The following CLTC variants were observed in gnomAD, a reference collection of about 807,000 sequenced individuals.
CLTC encodes clathrin heavy chain.
Under a neutral mutation model 195.8 loss-of-function variants are expected in CLTC, and 16 were observed. The observed-to-expected ratio is 0.08, with a 90% CI of 0.06 to 0.12. CLTC has a LOEUF of 0.12. Ranked by LOEUF, CLTC falls within the 10% of genes least tolerant of loss-of-function variation. The pLI, the probability that CLTC is intolerant of heterozygous loss-of-function variation, is 1.00. For synonymous variants in CLTC, 667 were observed against 689.4 expected (o/e 0.97, Z 0.51); for missense variants, 796 against 2,027.0 (o/e 0.39, Z 11.66).
chr17:59,692,014 CTT>C (rs1368164997), intron 31 of CLTC, among the ~76,000 whole-genome samples: 2 of 152,072 alleles, frequency 1.3e-5, no homozygotes, highest in Non-Finnish European at 2.9e-5. Context: ...TTAGGGATGA[CTT>C]TTTAAAAACT....
At chr17:59,656,760 A>G (rs991423792) in intron 6 of CLTC, among the ~76,000 whole-genome samples, 2 of 139,118 alleles carry the variant, frequency 1.4e-5, no homozygotes, top group African/African-American at 5.5e-5. Context: ...TACAACCTCC[A>G]CTTCCCGGGT....
intron 1 of CLTC, among the ~76,000 whole-genome samples, chr17:59,636,932 C>CTTTTTTTTTTTTTTT (rs771908096): frequency 4.8e-5 from 5 of 103,672 alleles, no homozygotes; most frequent in Admixed American, 1.0e-4. Context: ...CCGGCTAATT[C>CTTTTTTTTTTTTTTT]TTTTTTTTTT....
rs150645166 is a variant in CLTC, at chr17:59,693,681, C to T, written c.4904-47C>T. 2,883 of 1,572,848 alleles carry T rather than the reference C, an allele frequency of 1.8e-3. 111 individuals carry two copies. The Admixed American group carries it at 0.05, about 27-fold the overall frequency. On this transcript the variant is annotated intron_variant, in intron 31 of 31. Coordinates refer to ENST00000269122, the MANE Select transcript of CLTC (RefSeq NM_004859.4). ...TTCTAAATGCTAACAGTTTGTCCTG[C>T]CTCCTTGCCCCTGCCCCCTGCTCCT...
rs942248771 is a variant in CLTC, at chr17:59,694,204, T to C, written c.*352T>C. The C allele has an allele frequency of 4.9e-5, 11 of 225,394 alleles. No individual in the cohort carries two copies. Among genetic ancestry groups the C allele is most frequent in the Middle Eastern group, 1.3e-3 (1 of 770 alleles). 14.0% of individuals were successfully genotyped at this position (225,394 alleles called of 1,614,324 possible). ...GAAACAAAGAAACTCTAATATTGAA[T>C]CTCTTAAATTTAGTGTATGTAAACA... On this transcript the variant is annotated 3_prime_UTR_variant, in exon 32 of 32. Coordinates refer to ENST00000269122, the MANE Select transcript of CLTC (RefSeq NM_004859.4).
intron 13 of CLTC, 33 bp from the exon 14 acceptor site, chr17:59,668,744 C>T (rs753042435): frequency 6.5e-7 from 1 of 1,540,026 alleles, no homozygotes; most frequent in South Asian, 1.2e-5. Context: ...AAAAGTGTGC[C>T]TATGCTTAAT....
In CLTC at chr17:59,681,219, G is replaced by A. The variant is rs1044053540; in HGVS notation, c.3066-76G>A. The A allele has an allele frequency of 1.0e-5, 15 of 1,496,750 alleles. No homozygotes were observed. The highest frequency in any genetic ancestry group is 1.8e-4 in the Middle Eastern group (1 of 5,648). 92.7% of individuals were successfully genotyped at this position (1,496,750 alleles called of 1,614,324 possible). A position where few individuals can be genotyped will look rare whatever the true frequency, so the allele number is the denominator to read the frequency against. On this transcript the variant is annotated intron_variant, in intron 19 of 31. Coordinates refer to ENST00000269122, the MANE Select transcript of CLTC (RefSeq NM_004859.4). The surrounding 1 kb of genome is among the most constrained non-coding windows in gnomAD (Gnocchi z 5.0). The stretch of plus-strand genomic sequence containing the variant: ...TACCTCTTGAGACAAAAACCTCTCC[G>A]TTAGTCACAGTGGTTATTTTTTATG...
Position 59,685,348 on chromosome 17 carries a change from T to C in CLTC, c.4605+122T>C. 1 of 1,002,334 alleles carries C rather than the reference T, an allele frequency of 1.0e-6. No individual in the cohort carries two copies. The highest frequency in any genetic ancestry group is 1.4e-6 in the Non-Finnish European group (1 of 711,874). 62.1% of individuals were successfully genotyped at this position (1,002,334 alleles called of 1,614,324 possible). On this transcript the variant is annotated intron_variant, in intron 29 of 31. Coordinates refer to ENST00000269122, the MANE Select transcript of CLTC (RefSeq NM_004859.4). This position sits in a 1 kb window ranked among gnomAD's most constrained non-coding sequence, Gnocchi z 5.0. ...TATGAGAGCTGACTTTAAGGCAATT[T>C]AAGTTAATGGATTTCTTGATTCTAG...
At chr17:59,659,925 A>G (rs991847532) in intron 6 of CLTC, among the ~76,000 whole-genome samples, 1 of 152,188 alleles carries the variant, frequency 6.6e-6, no homozygotes, top group Admixed American at 6.5e-5. Context: ...TACCTTAAAC[A>G]ACTTGCAAGT....
chr17:59,673,040 C>A (rs1458267981), intron 14 of CLTC, among the ~76,000 whole-genome samples: 1 of 151,828 alleles, frequency 6.6e-6, no homozygotes, highest in Non-Finnish European at 1.5e-5. Flanking sequence ...AGTTTGGTAT[C>A]TGTAATGGAA....
At chr17:59,684,983 T>G in intron 28 of CLTC, 73 bp from the exon 29 acceptor site, 1 of 1,198,528 alleles carries the variant, frequency 8.3e-7, no homozygotes, top group South Asian at 1.9e-5. Context: ...TCTAAGGGGC[T>G]CATTGATTGA....
rs2143586714 is a variant in CLTC at position 59,679,495 on chromosome 17, T to G, written c.2895T>G (p.Pro965=). 1 of 1,604,850 alleles carries G rather than the reference T, an allele frequency of 6.2e-7. No homozygotes were observed. The highest frequency in any genetic ancestry group is 8.5e-7 in the Non-Finnish European group (1 of 1,175,078). The change falls in exon 18 of 32, where the codon CCT becomes CCG. Residue 965 remains proline (P), a synonymous_variant. Coordinates refer to ENST00000269122, the MANE Select transcript of CLTC (RefSeq NM_004859.4). ...GCAGCGTGCTGCTGGAAAGCAATCC[T>G]TACAGGAGACCCCTAATTGACCAGG... ...LWGSVLLESN[P]YRRPLIDQVV...
chr17:59,633,806 T>C (rs896602568), intron 1 of CLTC, among the ~76,000 whole-genome samples: 38 of 152,334 alleles, frequency 2.5e-4, no homozygotes, highest in Non-Finnish European at 4.7e-4. Context: ...ACTTGAATAT[T>C]AAGGAGACTG....
intron 4 of CLTC, among the ~76,000 whole-genome samples, chr17:59,649,723 C>G (rs1567944820): frequency 2.0e-5 from 3 of 152,184 alleles, no homozygotes; most frequent in Admixed American, 6.5e-5. Flanking sequence ...TAATGACATA[C>G]AATTCTGCTT....
Position 59,620,209 on chromosome 17 carries a change from A to G in CLTC, c.42+36A>G, listed in dbSNP as rs375484028. ...GCCCGGGCTGGTGAGGGCTGTGGAGAAGGTGGTAGGAAGGATGGAAGACGC... is the reference window on the plus strand; with the variant it reads ...GCCCGGGCTGGTGAGGGCTGTGGAGGAGGTGGTAGGAAGGATGGAAGACGC... On this transcript the variant is annotated intron_variant, in intron 1 of 31. Transcript: ENST00000269122. 107 of 1,610,694 alleles carry G rather than the reference A, an allele frequency of 6.6e-5. 1 individual carries two copies. Among genetic ancestry groups the G allele is most frequent in the Non-Finnish European group, 5.4e-5 (64 of 1,177,592 alleles).
chr17:59,658,772 A>AC (rs2032538204), intron 6 of CLTC: 1 of 152,198 alleles, frequency 6.6e-6, no homozygotes, highest in African/African-American at 2.4e-5. Context: ...GATAACGATA[A>AC]AACTGTGGAT....
At chr17:59,633,702 A>T (rs528885335) in intron 1 of CLTC, among the ~76,000 whole-genome samples, 5 of 152,246 alleles carry the variant, frequency 3.3e-5, no homozygotes, top group Middle Eastern at 6.8e-3. Context: ...GATGGGGTTG[A>T]CAGAATGTAA....
chr17:59,681,658 G>A lies in CLTC; in HGVS notation c.3261G>A (p.Glu1087=), dbSNP rs77062632. ...VNTSAVQVLI[E]HIGNLDRAYE... is the part of the protein sequence containing the mutation. ...ACTTGGATACTTAGGTCTTAATTGA[G>A]CATATTGGAAACTTGGATCGGGCAT... Residue 1087 remains glutamate (E), a synonymous_variant, in exon 21 of 32, where the codon GAG becomes GAA. Coordinates refer to ENST00000269122, the MANE Select transcript of CLTC (RefSeq NM_004859.4). The surrounding 1 kb of genome is among the most constrained non-coding windows in gnomAD (Gnocchi z 5.0). 0.026 allele frequency: 42,174 copies of A among 1,612,172 alleles called. 725 individuals carry two copies. Among genetic ancestry groups the A allele is most frequent in the Non-Finnish European group, 0.032 (37,810 of 1,178,798 alleles).
rs1449576792 is a variant in CLTC at position 59,666,766 on chromosome 17, T to TATTC, written c.1948-19_1948-16dup. 3.8e-6 allele frequency: 6 copies of TATTC among 1,584,532 alleles called. No homozygotes were observed. The East Asian group carries it at 6.7e-5, about 18-fold the overall frequency. On this transcript the variant is annotated intron_variant, in intron 12 of 31. Coordinates refer to ENST00000269122, the MANE Select transcript of CLTC (RefSeq NM_004859.4). This position sits in a 1 kb window ranked among gnomAD's most constrained non-coding sequence, Gnocchi z 4.9. The stretch of plus-strand genomic sequence containing the variant: ...CCATGAGGTTCAACATTATTTCATT[T>TATTC]ATTCATTCATTCATTTATTTTGTCT...
chr17:59,693,694 G>GC (rs754903578), intron 31 of CLTC, 34 bp from the exon 32 acceptor site: 2 of 1,594,102 alleles, frequency 1.3e-6, no homozygotes, highest in East Asian at 4.6e-5. Flanking sequence ...CCTTGCCCCT[G>GC]CCCCCTGCTC....
Sources: gnomAD v4.1 joint callset for allele counts (sites outside exome capture counted in the v4.1 genomes callset) on GRCh38, gnomAD v4.1.1 for gene constraint, Gnocchi (gnomAD v3.1) non-coding constraint, MANE v1.5 for transcripts, NCBI Gene and HGNC (gene_info 2026-07-23, HGNC 2026-07-21) for gene names.